The following SMARCA1 variants were observed in gnomAD, a reference collection of about 807,000 sequenced individuals.
The protein encoded by SMARCA1 is SWI/SNF-related matrix-associated actin-dependent regulator of chromatin subfamily A member 1.
SMARCA1 carries 17 observed loss-of-function variants against 93.6 expected under a neutral mutation model. The ratio of observed to expected loss-of-function variants is 0.18; its 90% confidence interval spans 0.12 to 0.27. The LOEUF (loss-of-function observed/expected upper bound fraction) is 0.27, where lower values mean the gene tolerates loss of function less well. Among genes scored for constraint, SMARCA1 ranks in the 10% least tolerant of loss-of-function variants. SMARCA1 has a pLI of 1.00. For synonymous variants in SMARCA1, 271 were observed against 271.4 expected (o/e 1.00, Z 0.01); for missense variants, 630 against 819.0 (o/e 0.77, Z 2.82).
chrX:129,457,326 G>A (rs780451610), intron 23 of SMARCA1, among the ~76,000 whole-genome samples: 8 of 112,404 alleles, frequency 7.1e-5, no homozygotes, highest in Non-Finnish European at 1.3e-4. Context: ...TTGCTTTATT[G>A]TGATATTTGC....
At chrX:129,455,405 T>A (rs1359922124) in intron 23 of SMARCA1, among the ~76,000 whole-genome samples, 1 of 88,195 alleles carries the variant, frequency 1.1e-5, no homozygotes, top group African/African-American at 4.6e-5. Context: ...AGTTGAACAA[T>A]GAGAACACAT....
intron 9 of SMARCA1, 148 bp downstream of exon 9, chrX:129,504,585 AG>A: frequency 3.3e-6 from 1 of 305,091 alleles, no homozygotes; most frequent in Non-Finnish European, 5.9e-6. Flanking sequence ...AAAAAAACAA[AG>A]AGGCTGTCAG....
chrX:129,447,259 C>G, intron 24 of SMARCA1, 26 bp from the exon 25 acceptor site: 4 of 1,134,925 alleles, frequency 3.5e-6, no homozygotes, highest in Non-Finnish European at 4.7e-6. Context: ...ATTTAATGTT[C>G]TGCTCCAATA....
intron 23 of SMARCA1, among the ~76,000 whole-genome samples, chrX:129,464,882 G>T (rs1932870983): frequency 1.8e-5 from 2 of 111,864 alleles, no homozygotes; most frequent in Admixed American, 9.5e-5. Context: ...CGTTGAACCT[G>T]AATCTTACAA....
intron 12 of SMARCA1, among the ~76,000 whole-genome samples, chrX:129,494,827 A>C (rs958048072): frequency 8.9e-6 from 1 of 112,558 alleles, no homozygotes; most frequent in African/African-American, 3.2e-5. Context: ...AAAGTGGTGA[A>C]GTTGGTGCTA....
At chrX:129,500,593 G>A (rs972390983) in intron 9 of SMARCA1, among the ~76,000 whole-genome samples, 3 of 112,820 alleles carry the variant, frequency 2.7e-5, no homozygotes, top group Admixed American at 9.4e-5. Context: ...ATGGGGATAT[G>A]TTCTAAGAAA....
chrX:129,492,132 A>C, intron 13 of SMARCA1, 39 bp from the exon 14 acceptor site: 1 of 911,039 alleles, frequency 1.1e-6, no homozygotes, highest in Non-Finnish European at 1.5e-6. Flanking sequence ...AGAAAAAGAG[A>C]AAAATAAAAT....
rs766401027 is a variant in SMARCA1, at chrX:129,487,074, C to T, written c.2161G>A (p.Asp721Asn). The part of the protein sequence containing the change: ...GESSLRNFRM[D>N]IEQSLYKFEG... ...AATTTGTATAAACTTTGTTCAATGT[C>T]CATTCTAAAATTTCTTAGAGAAGAC... is the stretch of plus-strand genomic sequence containing the variant. The change falls in exon 17 of 25, where the codon GAC becomes AAC. Residue 721 changes from aspartate (D) to asparagine (N), a missense_variant. Around this residue, in one of 4 missense-constraint regions of SMARCA1, gnomAD observed 382 missense variants for 537.9 expected, o/e 0.71. Coordinates refer to ENST00000371121, the MANE Select transcript of SMARCA1 (RefSeq NM_001282874.2). 1 of 1,159,890 alleles carries T rather than the reference C, an allele frequency of 8.6e-7. No homozygotes were observed. Among genetic ancestry groups the T allele is most frequent in the Non-Finnish European group, 1.2e-6 (1 of 852,842 alleles).
intron 17 of SMARCA1, among the ~76,000 whole-genome samples, chrX:129,483,933 A>G (rs1301335877): frequency 1.8e-5 from 2 of 112,124 alleles, no homozygotes; most frequent in South Asian, 7.4e-4. Context: ...GATAATTTAA[A>G]CCTATTTTAA....
chrX:129,512,158 T>C lies in SMARCA1; in HGVS notation c.631-175A>G, dbSNP rs186821822. Among the ~76,000 whole-genome samples, 7 of 112,202 alleles carry C rather than the reference T, an allele frequency of 6.2e-5. 1 individual carries two copies. The Admixed American group carries it at 6.6e-4, about 11-fold the overall frequency. Reference sequence around the variant, plus strand: ...TTTTTTAAAGAAGATAACCAAATCATTCCAATTCAGTATTGTACTTACCGT... The same window carrying C: ...TTTTTTAAAGAAGATAACCAAATCACTCCAATTCAGTATTGTACTTACCGT... On this transcript the variant is annotated intron_variant, in intron 5 of 24. Transcript: ENST00000371121.
chrX:129,489,123 T>A (rs1175815524), intron 15 of SMARCA1, 38 bp from the exon 16 acceptor site: 1 of 947,614 alleles, frequency 1.1e-6, no homozygotes, highest in Non-Finnish European at 1.5e-6. Flanking sequence ...ATTCAATCAA[T>A]CATATTCCAA....
chrX:129,516,281 A>G (rs1935198844), intron 3 of SMARCA1, 50 bp downstream of exon 3: 1 of 1,117,911 alleles, frequency 8.9e-7, no homozygotes, highest in African/African-American at 1.8e-5. Flanking sequence ...GACAGGAGGA[A>G]GAAAAGGTAG....
chrX:129,466,633 C>T (rs1271405365), intron 21 of SMARCA1, among the ~76,000 whole-genome samples: 1 of 110,758 alleles, frequency 9.0e-6, no homozygotes, highest in Non-Finnish European at 1.9e-5. Flanking sequence ...CCAGCCTGGG[C>T]GATTAAGTGA....
intron 24 of SMARCA1, 130 bp from the exon 25 acceptor site, chrX:129,447,363 A>G: frequency 1.5e-6 from 1 of 665,463 alleles, no homozygotes; most frequent in Non-Finnish European, 2.1e-6. Context: ...TGTTATATTC[A>G]CAGTTAATGT....
At chrX:129,456,581 G>A (rs913050823) in intron 23 of SMARCA1, among the ~76,000 whole-genome samples, 4 of 112,407 alleles carry the variant, frequency 3.6e-5, no homozygotes, top group South Asian at 3.7e-4. Context: ...AAGAACATTC[G>A]TGATTTATGG....
At chrX:129,502,768 A>T (rs987859515) in intron 9 of SMARCA1, among the ~76,000 whole-genome samples, 3 of 111,784 alleles carry the variant, frequency 2.7e-5, no homozygotes, top group Non-Finnish European at 5.6e-5. Flanking sequence ...AATAAGGGAG[A>T]CACCTGAGCA....
intron 24 of SMARCA1, 160 bp downstream of exon 24, chrX:129,448,173 G>T: frequency 2.0e-6 from 1 of 499,719 alleles, no homozygotes; most frequent in Non-Finnish European, 3.3e-6. Context: ...TAAGAAACAT[G>T]GTTGTGAAGC....
At position 129,490,069 on chromosome X, in the gene SMARCA1, T is replaced by A; in HGVS notation, c.1939A>T (p.Ile647Leu). 1 of 1,185,700 alleles carries A rather than the reference T, an allele frequency of 8.4e-7. No individual in the cohort carries two copies. Among genetic ancestry groups the A allele is most frequent in the Non-Finnish European group, 1.1e-6 (1 of 874,872 alleles). The change falls in exon 15 of 25, where the codon ATA (isoleucine) becomes TTA (leucine). Residue 647 changes from isoleucine (I) to leucine (L), a missense_variant. Physicochemically the swap from Ile to Leu is conservative, Grantham distance 5. Around this residue, in one of 4 missense-constraint regions of SMARCA1, gnomAD observed 382 missense variants for 537.9 expected, o/e 0.71. Coordinates refer to ENST00000371121, the MANE Select transcript of SMARCA1 (RefSeq NM_001282874.2). ...EIKLRLDSIV[I>L]QQGRLIDQQS... is the part of the protein sequence containing the mutation. ...TTCTATGTATAAATACCTTGTTGTATAACAATTGAATCGAGTCTCAGTTTT... is the reference window on the plus strand; with the variant it reads ...TTCTATGTATAAATACCTTGTTGTAAAACAATTGAATCGAGTCTCAGTTTT...
chrX:129,499,824 CA>C lies in SMARCA1; in HGVS notation c.1184del (p.Leu395CysfsTer5). On this transcript the variant is annotated frameshift_variant, in exon 10 of 25. Coordinates refer to ENST00000371121, the MANE Select transcript of SMARCA1 (RefSeq NM_001282874.2). LOFTEE classifies it high-confidence loss of function. ...ERLHAVLKPF[L>X]LRRIKTDVEK... ...CTACATCAGTTTTTATACGGCGTAA[CA>C]AAAATGGTTTTAAAACCTAAAAGGT... 8.8e-7 allele frequency: 1 copy of C among 1,135,932 alleles called. No homozygotes were observed. Among genetic ancestry groups the C allele is most frequent in the Non-Finnish European group, 1.2e-6 (1 of 833,825 alleles). The allele number at this position is 1,135,932 out of a possible 1,213,427, so 93.6% of individuals were successfully genotyped here. A position where few individuals can be genotyped will look rare whatever the true frequency, so the allele number is the denominator to read the frequency against.
Sources: gnomAD v4.1 joint callset for allele counts (sites outside exome capture counted in the v4.1 genomes callset) on GRCh38, gnomAD v4.1.1 for gene constraint, gnomAD v4.1.1 regional missense constraint, MANE v1.5 for transcripts, NCBI Gene and HGNC (gene_info 2026-07-23, HGNC 2026-07-21) for gene names.